The following TACR1 variants were observed in gnomAD, a reference collection of about 807,000 sequenced individuals.
TACR1 encodes the protein tachykinin receptor 1, also known as substance-P receptor.
Under a neutral mutation model 35.8 loss-of-function variants are expected in TACR1, and 25 were observed. That is an observed-to-expected ratio of 0.70 (90% confidence interval 0.51 to 0.98). The LOEUF (loss-of-function observed/expected upper bound fraction) is 0.98, where lower values mean the gene tolerates loss of function less well. TACR1 is among the 50% of genes least tolerant of loss of function. The probability of loss-of-function intolerance (pLI) is 0.00; values close to 1 mark genes in which losing one functional copy is unlikely to be tolerated. For synonymous variants in TACR1, 195 were observed against 206.7 expected (o/e 0.94, Z 0.48); for missense variants, 478 against 522.9 (o/e 0.91, Z 0.84).
intron 1 of TACR1, among the ~76,000 whole-genome samples, chr2:75,191,106 T>G (rs886773654): frequency 1.3e-5 from 2 of 152,152 alleles, no homozygotes; most frequent in Admixed American, 1.3e-4. Context: ...ATATTTCCCC[T>G]TCCACTGAGG....
At chr2:75,108,959 A>G (rs1338782787) in intron 2 of TACR1, among the ~76,000 whole-genome samples, 1 of 152,182 alleles carries the variant, frequency 6.6e-6, no homozygotes, top group African/African-American at 2.4e-5. Context: ...CAGCTCTGGA[A>G]ACAAGTGCAG....
chr2:75,198,672 A>G lies in TACR1; in HGVS notation c.263T>C (p.Val88Ala). 6.2e-7 allele frequency: 1 copy of G among 1,614,216 alleles called. No homozygotes were observed. The highest frequency in any genetic ancestry group is 8.5e-7 in the Non-Finnish European group (1 of 1,180,028). Residue 88 changes from valine (V) to alanine (A), a missense_variant, in exon 1 of 5, where the codon GTG becomes GCG. By Grantham distance (64) the Val-to-Ala change is moderately conservative. Transcript: ENST00000305249. ...EASMAAFNTV[V>A]NFTYAVHNEW... ...GTTGTGGACAGCATAGGTGAAGTTCACCACTGTATTGAATGCAGCCATGGA... is the reference window on the plus strand; with the variant it reads ...GTTGTGGACAGCATAGGTGAAGTTCGCCACTGTATTGAATGCAGCCATGGA...
intron 2 of TACR1, among the ~76,000 whole-genome samples, chr2:75,061,590 T>G (rs1672674828): frequency 6.6e-6 from 1 of 152,162 alleles, no homozygotes; most frequent in Admixed American, 6.5e-5. Flanking sequence ...ATGTCCCATC[T>G]TTCTGCAGAG....
intron 2 of TACR1, among the ~76,000 whole-genome samples, chr2:75,073,775 C>A (rs1159201646): frequency 1.3e-5 from 2 of 152,106 alleles, no homozygotes; most frequent in Non-Finnish European, 2.9e-5. Context: ...TGTGATGAGG[C>A]CCTGGGCAGA....
In TACR1 at chr2:75,135,553, C is replaced by T. The variant is rs186375423; in HGVS notation, c.390-14785G>A. On this transcript the variant is annotated intron_variant, in intron 1 of 4. Transcript: ENST00000305249. ...GCTACTGGCTGGATCCAGGGCCAGG[C>T]GCCCAAAGATACTCAAAACAGCAAA... Among the ~76,000 whole-genome samples, 599 of 152,256 alleles carry T rather than the reference C, an allele frequency of 3.9e-3. 2 individuals are homozygous for T. Among genetic ancestry groups the T allele is most frequent in the Non-Finnish European group, 6.2e-3 (421 of 68,018 alleles).
At chr2:75,193,561 G>A (rs3771865) in intron 1 of TACR1, among the ~76,000 whole-genome samples, 44,901 of 151,938 alleles carry the variant, frequency 0.3, 9,163 homozygotes, top group African/African-American at 0.59. Context: ...AATTCACTTC[G>A]GTTGAATCAG....
chr2:75,060,084 C>T (rs1273332476), intron 2 of TACR1, among the ~76,000 whole-genome samples: 4 of 152,300 alleles, frequency 2.6e-5, no homozygotes, highest in African/African-American at 9.6e-5. Context: ...AGCACCTGTT[C>T]TATATCTGGT....
At chr2:75,077,195 C>G (rs368602433) in intron 2 of TACR1, among the ~76,000 whole-genome samples, 2 of 152,122 alleles carry the variant, frequency 1.3e-5, no homozygotes, top group African/African-American at 4.8e-5. Flanking sequence ...GTCTCGAATT[C>G]CTGACCTCAG....
At chr2:75,169,270 CT>C (rs1675219133) in intron 1 of TACR1, among the ~76,000 whole-genome samples, 1 of 152,042 alleles carries the variant, frequency 6.6e-6, no homozygotes, top group Non-Finnish European at 1.5e-5. Flanking sequence ...TTTATTCCTC[CT>C]TTGAGTCCTC....
chr2:75,180,141 C>G (rs78200736), intron 1 of TACR1, among the ~76,000 whole-genome samples: 512 of 152,264 alleles, frequency 3.4e-3, no homozygotes, highest in Middle Eastern at 0.02. Flanking sequence ...TTCAGAAAAG[C>G]CTTCTGTAAT....
chr2:75,053,531 A>T, intron 3 of TACR1, 74 bp downstream of exon 3: 1 of 1,430,798 alleles, frequency 7.0e-7, no homozygotes. Context: ...TCTGGGGCTC[A>T]CAAGTGTGCC....
At chr2:75,157,557 A>G (rs944648945) in intron 1 of TACR1, among the ~76,000 whole-genome samples, 2 of 152,234 alleles carry the variant, frequency 1.3e-5, no homozygotes, top group Non-Finnish European at 2.9e-5. Context: ...GTAAGTGGCC[A>G]GGCAGCCCTG....
chr2:75,119,355 C>T (rs550547420), intron 2 of TACR1, among the ~76,000 whole-genome samples: 2 of 152,140 alleles, frequency 1.3e-5, no homozygotes, highest in Admixed American at 6.5e-5. Flanking sequence ...TGACCCTTGC[C>T]CAGGGTCATA....
intron 2 of TACR1, among the ~76,000 whole-genome samples, chr2:75,107,259 C>A (rs1673668460): frequency 6.6e-6 from 1 of 151,806 alleles, no homozygotes; most frequent in South Asian, 2.1e-4. Context: ...GAGAATTTAG[C>A]AAAAGGACAA....
intron 1 of TACR1, among the ~76,000 whole-genome samples, chr2:75,172,435 GA>G (rs1238645623): frequency 6.6e-6 from 1 of 152,074 alleles, no homozygotes; most frequent in East Asian, 1.9e-4. Context: ...AGGAATATGA[GA>G]AAAAAAGTTC....
intron 2 of TACR1, 105 bp downstream of exon 2, chr2:75,120,464 CATTAA>C (rs1673945047): frequency 9.8e-7 from 1 of 1,022,254 alleles, no homozygotes; most frequent in Non-Finnish European, 1.4e-6. Flanking sequence ...TGCAGATACA[CATTAA>C]ATCTGTACCA....
chr2:75,099,936 G>A (rs1271125806), intron 2 of TACR1, among the ~76,000 whole-genome samples: 1 of 152,146 alleles, frequency 6.6e-6, no homozygotes, highest in Non-Finnish European at 1.5e-5. Flanking sequence ...TTTCACAGGC[G>A]TTTCATGACC....
At chr2:75,139,623 G>C (rs1674362592) in intron 1 of TACR1, among the ~76,000 whole-genome samples, 1 of 152,180 alleles carries the variant, frequency 6.6e-6, no homozygotes, top group South Asian at 2.1e-4. Context: ...CTGTTGTATA[G>C]GAAGTAGAAT....
chr2:75,167,289 A>G (rs1480263138), intron 1 of TACR1, among the ~76,000 whole-genome samples: 2 of 152,220 alleles, frequency 1.3e-5, no homozygotes, highest in African/African-American at 2.4e-5. Flanking sequence ...TAATGATTCT[A>G]AAGTTCACAT....
Sources: allele counts gnomAD v4.1 joint callset (sites outside exome capture counted in the v4.1 genomes callset), GRCh38; gene constraint gnomAD v4.1.1; transcripts MANE v1.5; gene names NCBI Gene and HGNC (gene_info 2026-07-23, HGNC 2026-07-21).